The following AMMECR1 variants were observed in gnomAD, a reference collection of about 807,000 sequenced individuals.
The protein encoded by AMMECR1 is AMMECR nuclear protein 1, also known as nuclear protein AMMECR1.
In AMMECR1, 3 loss-of-function variants were observed where a neutral mutation model predicts 22.5. The observed-to-expected ratio is 0.13, with a 90% CI of 0.06 to 0.35. The LOEUF is 0.35. AMMECR1 is among the 10% of genes least tolerant of loss of function. The pLI, the probability that AMMECR1 is intolerant of heterozygous loss-of-function variation, is 1.00. For missense variants in AMMECR1, 235 were observed against 278.7 expected, an observed-to-expected ratio of 0.84 and a Z score of 1.12; for synonymous variants, 130 against 116.7, an observed-to-expected ratio of 1.11 and a Z score of -0.74.
At chrX:110,247,269 C>A (rs1309163536) in intron 2 of AMMECR1, among the ~76,000 whole-genome samples, 1 of 112,149 alleles carries the variant, frequency 8.9e-6, no homozygotes, top group Admixed American at 9.4e-5. Context: ...CTCCTGTAAT[C>A]CCAGCACTGC....
intron 1 of AMMECR1, among the ~76,000 whole-genome samples, chrX:110,287,460 G>A (rs1336556422): frequency 1.8e-5 from 2 of 112,097 alleles, no homozygotes; most frequent in East Asian, 5.6e-4. Flanking sequence ...AGGATGTCTT[G>A]TTCCAATTTC....
intron 2 of AMMECR1, among the ~76,000 whole-genome samples, chrX:110,381,695 G>A (rs913001996): frequency 1.2e-4 from 13 of 111,186 alleles, no homozygotes; most frequent in African/African-American, 3.3e-4. Context: ...ATAGTGGATC[G>A]GATAAAGAAA....
chrX:110,377,987 C>T (rs1051593357), intron 2 of AMMECR1, among the ~76,000 whole-genome samples: 4 of 82,897 alleles, frequency 4.8e-5, no homozygotes, highest in African/African-American at 1.1e-4. Flanking sequence ...CCAGCCTGGG[C>T]GACAGAGCGA....
intron 2 of AMMECR1, among the ~76,000 whole-genome samples, chrX:110,222,591 T>TA (rs11320334): frequency 1.3e-3 from 73 of 54,522 alleles, no homozygotes; most frequent in East Asian, 7.6e-3. Flanking sequence ...AAACTTAAAT[T>TA]AAAAAAAAAA....
chrX:110,222,144 C>G (rs1383381388), intron 2 of AMMECR1, among the ~76,000 whole-genome samples: 1 of 96,807 alleles, frequency 1.0e-5, no homozygotes, highest in East Asian at 3.3e-4. Context: ...GACACATGCA[C>G]ACGTATGTTT....
chrX:110,343,965 A>C (rs190785572), intron 2 of AMMECR1, among the ~76,000 whole-genome samples: 1 of 111,870 alleles, frequency 8.9e-6, no homozygotes, highest in African/African-American at 3.2e-5. Context: ...GCTACCAATG[A>C]CTTTCTTCAC....
intron 1 of AMMECR1, among the ~76,000 whole-genome samples, chrX:110,293,421 A>G (rs1189908661): frequency 9.0e-6 from 1 of 111,621 alleles, no homozygotes; most frequent in Non-Finnish European, 1.9e-5. Context: ...AGATTTAGAG[A>G]TAAGTTCTTC....
intron 2 of AMMECR1, among the ~76,000 whole-genome samples, chrX:110,399,361 C>G (rs898747700): frequency 8.9e-6 from 1 of 112,393 alleles, no homozygotes. Flanking sequence ...TTTAAACCTA[C>G]GCTGGTCTGG....
intron 2 of AMMECR1, among the ~76,000 whole-genome samples, chrX:110,406,102 T>C (rs1308618558): frequency 1.8e-5 from 2 of 110,399 alleles, no homozygotes; most frequent in African/African-American, 6.6e-5. Context: ...TCAAGGAAGG[T>C]TCTGGAAAGT....
chrX:110,344,364 C>A (rs191593103), intron 2 of AMMECR1, among the ~76,000 whole-genome samples: 8,108 of 111,862 alleles, frequency 0.072, 741 homozygotes, highest in African/African-American at 0.25. Context: ...TAAAGACTTA[C>A]ATGTTAGACC....
chrX:110,375,075 A>C (rs2068367000), intron 2 of AMMECR1, among the ~76,000 whole-genome samples: 1 of 111,770 alleles, frequency 8.9e-6, no homozygotes, highest in South Asian at 3.8e-4. Context: ...TTATATAGCA[A>C]GTAGGCAAGC....
intron 1 of AMMECR1, among the ~76,000 whole-genome samples, chrX:110,306,529 G>C (rs1216766790): frequency 9.1e-6 from 1 of 110,184 alleles, no homozygotes; most frequent in Non-Finnish European, 1.9e-5. Flanking sequence ...CGTGATCTCA[G>C]CTCACAGCAA....
intron 2 of AMMECR1, among the ~76,000 whole-genome samples, chrX:110,426,167 C>T (rs138442977): frequency 1.1e-4 from 12 of 112,151 alleles, no homozygotes; most frequent in African/African-American, 3.6e-4. Flanking sequence ...GGTTTTGCAC[C>T]GGTGAGCAAA....
At chrX:110,230,403 TC>T (rs1217358942) in intron 2 of AMMECR1, among the ~76,000 whole-genome samples, 2 of 112,103 alleles carry the variant, frequency 1.8e-5, no homozygotes, top group Non-Finnish European at 3.8e-5. Flanking sequence ...GGAGTGGAAC[TC>T]CAGCAAACTC....
Position 110,377,032 on chromosome X carries a change from G to A in AMMECR1, c.-148+49626C>T, listed in dbSNP as rs140361290. On this transcript the variant is annotated intron_variant, in intron 2 of 7. Transcript: ENST00000372057. Reference sequence around the variant, plus strand: ...AACTACAGCACTGCAGTAGTGGTAGGCAGTGGGTGAAAGTGGAGTGGGGCC... The same window carrying A: ...AACTACAGCACTGCAGTAGTGGTAGACAGTGGGTGAAAGTGGAGTGGGGCC... Among the ~76,000 whole-genome samples, 584 of 111,808 alleles carry A rather than the reference G, an allele frequency of 5.2e-3. 3 individuals carry two copies. The highest frequency in any genetic ancestry group is 0.018 in the African/African-American group (553 of 30,678).
chrX:110,208,863 A>G lies in AMMECR1; in HGVS notation c.700-6327T>C, dbSNP rs376714069. Among the ~76,000 whole-genome samples the G allele has an allele frequency of 6.3e-5, 7 of 111,843 alleles. 1 individual carries two copies. In the East Asian group the frequency reaches 1.4e-3, roughly 22 times the overall value. On this transcript the variant is annotated intron_variant, in intron 3 of 5. Transcript: ENST00000262844. Reference sequence around the variant, plus strand: ...CCCCAATTCTCTGTAATGATTAATTATAATGAGCATCCCATAAAAACTTAA... The same window carrying G: ...CCCCAATTCTCTGTAATGATTAATTGTAATGAGCATCCCATAAAAACTTAA...
rs771652180 is a variant in AMMECR1 at position 110,262,155 on chromosome X, TGATGCTAAA to T, written c.584+2325_584+2333del. 8.0e-5 allele frequency among the ~76,000 whole-genome samples: 9 copies of T among 112,338 alleles called. No individual in the cohort carries two copies. In the South Asian group the frequency reaches 3.3e-3, roughly 41 times the overall value. On this transcript the variant is annotated intron_variant, in intron 2 of 5. Transcript: ENST00000262844. ...TTTAAAAATGACTCCTTACAACTTT[TGATGCTAAA>T]ATGAATCCAGGAAAAAAGATTAATT...
intron 2 of AMMECR1, among the ~76,000 whole-genome samples, chrX:110,397,510 A>G (rs1053245084): frequency 8.1e-5 from 9 of 110,648 alleles, no homozygotes; most frequent in African/African-American, 3.0e-4. Context: ...AGCTGCTACC[A>G]TTCCTTGGCT....
At chrX:110,275,745 G>T (rs368425569) in intron 1 of AMMECR1, among the ~76,000 whole-genome samples, 1 of 111,119 alleles carries the variant, frequency 9.0e-6, no homozygotes, top group African/African-American at 3.3e-5. Context: ...CAGGAGAATC[G>T]CTTGAACCCA....
Sources: gnomAD v4.1 joint callset for allele counts (sites outside exome capture counted in the v4.1 genomes callset) on GRCh38, gnomAD v4.1.1 for gene constraint, MANE v1.5 for transcripts, NCBI Gene and HGNC (gene_info 2026-07-23, HGNC 2026-07-21) for gene names.